MKNK1: variants seen among roughly 807,000 people sequenced by gnomAD.
MKNK1 encodes the protein MAP kinase-interacting serine/threonine-protein kinase 1.
MKNK1 carries 30 observed loss-of-function variants against 49.3 expected under a neutral mutation model. That is an observed-to-expected ratio of 0.61 (90% CI 0.46 to 0.83). MKNK1 has a LOEUF of 0.83. Among genes scored for constraint, MKNK1 ranks in the 40% least tolerant of loss-of-function variants. The pLI is 0.00. For missense variants in MKNK1, 423 were observed against 524.7 expected, an observed-to-expected ratio of 0.81 and a Z score of 1.89; for synonymous variants, 176 against 201.7, an observed-to-expected ratio of 0.87 and a Z score of 1.08.
intron 8 of MKNK1, among the ~76,000 whole-genome samples, chr1:46,566,456 T>C (rs1669083873): frequency 6.6e-6 from 1 of 152,260 alleles, no homozygotes; most frequent in Non-Finnish European, 1.5e-5. Flanking sequence ...AATGCTGTAA[T>C]GAATACTGCT....
intron 4 of MKNK1, among the ~76,000 whole-genome samples, chr1:46,577,552 A>G (rs925884104): frequency 2.0e-5 from 3 of 152,214 alleles, no homozygotes; most frequent in African/African-American, 7.2e-5. Flanking sequence ...CTTTATGACA[A>G]CATCAAAAGA....
At chr1:46,585,634 A>C (rs1672450960) in intron 2 of MKNK1, 1 of 352,608 alleles carries the variant, frequency 2.8e-6, no homozygotes, top group Non-Finnish European at 5.6e-6. Flanking sequence ...CCCCAGGACA[A>C]GCAAAACAGC....
At chr1:46,564,989 T>G (rs1668804348) in intron 9 of MKNK1, 52 bp downstream of exon 9, 3 of 1,543,688 alleles carry the variant, frequency 1.9e-6, no homozygotes, top group Non-Finnish European at 2.7e-6. Context: ...CTCCCAGCTC[T>G]GGATCAGGGA....
At chr1:46,595,963 G>C (rs1485272831) in intron 1 of MKNK1, among the ~76,000 whole-genome samples, 1 of 152,174 alleles carries the variant, frequency 6.6e-6, no homozygotes, top group Non-Finnish European at 1.5e-5. Context: ...GCCCAGGCTG[G>C]TATTGAGCTC....
intron 8 of MKNK1, chr1:46,565,421 C>G: frequency 7.0e-6 from 3 of 431,476 alleles, no homozygotes; most frequent in Non-Finnish European, 1.3e-5. Context: ...CTCTTGCTGG[C>G]AAATGATGGT....
chr1:46,579,927 T>C (rs1007679926), intron 4 of MKNK1, among the ~76,000 whole-genome samples: 9 of 152,128 alleles, frequency 5.9e-5, no homozygotes, highest in African/African-American at 2.2e-4. Context: ...TGTTACCAAA[T>C]CAGTCACCTT....
chr1:46,561,655 G>T lies in MKNK1; in HGVS notation c.805-13C>A, dbSNP rs1375676186. 3 of 1,613,148 alleles carry T rather than the reference G, an allele frequency of 1.9e-6. No homozygotes were observed. The highest frequency in any genetic ancestry group is 2.5e-6 in the Non-Finnish European group (3 of 1,179,490). ...CAAACAGCTTGTTCTAGGTACAAAA[G>T]ATTCCTCCTGAGGCCACACTGCCAG... On this transcript the variant is annotated splice_polypyrimidine_tract_variant and intron_variant, in intron 10 of 12. Coordinates refer to ENST00000371945, the MANE Select transcript of MKNK1 (RefSeq NM_001135553.4).
chr1:46,581,814 TA>T (rs536253847), intron 3 of MKNK1, among the ~76,000 whole-genome samples: 99 of 152,104 alleles, frequency 6.5e-4, no homozygotes, highest in African/African-American at 2.3e-3. Flanking sequence ...TCTAACAGAG[TA>T]ATAGACCTGG....
At chr1:46,568,405 A>G (rs760376287) in intron 8 of MKNK1, 38 bp downstream of exon 8, 21 of 1,602,036 alleles carry the variant, frequency 1.3e-5, no homozygotes, top group Admixed American at 6.7e-5. Flanking sequence ...TTCCTCGGTA[A>G]GTATAAACTA....
rs1366085733 is a variant in MKNK1, at chr1:46,558,542, G to A, written c.*33C>T. 6.4e-7 allele frequency: 1 copy of A among 1,557,968 alleles called. No individual in the cohort carries two copies. Among genetic ancestry groups the A allele is most frequent in the Non-Finnish European group, 8.7e-7 (1 of 1,152,084 alleles). The stretch of plus-strand genomic sequence containing the variant: ...GTTTCCAGGGGACAATGCCTGGCCA[G>A]GCCTAGGGCCTATAAGGTGTGACTG... On this transcript the variant is annotated 3_prime_UTR_variant, in exon 13 of 13. Transcript: ENST00000371945.
At chr1:46,560,378 C>T (rs1177518652) in intron 11 of MKNK1, 101 bp from the exon 12 acceptor site, 18 of 1,272,776 alleles carry the variant, frequency 1.4e-5, no homozygotes, top group Middle Eastern at 1.9e-4. Flanking sequence ...AGGCTGCTGG[C>T]GCAGCACAGG....
Position 46,558,136 on chromosome 1 carries a change from G to A in MKNK1, c.*439C>T, listed in dbSNP as rs1667299973. 1 of 162,094 alleles carries A rather than the reference G, an allele frequency of 6.2e-6. No individual in the cohort carries two copies. The highest frequency in any genetic ancestry group is 1.4e-5 in the Non-Finnish European group (1 of 74,012). 10.0% of individuals were successfully genotyped at this position (162,094 alleles called of 1,614,324 possible). A position where few individuals can be genotyped will look rare whatever the true frequency, so the allele number is the denominator to read the frequency against. ...ATCCGGAGGACAGAGGAAGGTGGAAGGACCGCCAGAGGAGGGTGACAGAGA... is the reference window on the plus strand; with the variant it reads ...ATCCGGAGGACAGAGGAAGGTGGAAAGACCGCCAGAGGAGGGTGACAGAGA... On this transcript the variant is annotated 3_prime_UTR_variant, in exon 13 of 13. Coordinates refer to ENST00000371945, the MANE Select transcript of MKNK1 (RefSeq NM_001135553.4).
chr1:46,564,477 T>TTTG (rs1668684018), intron 9 of MKNK1, among the ~76,000 whole-genome samples: 1 of 128,566 alleles, frequency 7.8e-6, no homozygotes, highest in Admixed American at 8.2e-5. Flanking sequence ...TTTTTTTTTT[T>TTTG]TTTTTTTTTT....
chr1:46,593,884 A>G (rs1673698880), intron 2 of MKNK1: 1 of 350,026 alleles, frequency 2.9e-6, no homozygotes, highest in African/African-American at 2.1e-5. Flanking sequence ...AAGTAAATAA[A>G]TATGTTTTAG....
chr1:46,560,917 C>T lies in MKNK1; in HGVS notation c.969+561G>A, dbSNP rs7522397. ...GGAGACCAGAAAGTCATGGGAGCATCTGGCAGACCCCTTGGAGGGCAGAGG... is the reference window on the plus strand; with the variant it reads ...GGAGACCAGAAAGTCATGGGAGCATTTGGCAGACCCCTTGGAGGGCAGAGG... On this transcript the variant is annotated intron_variant, in intron 11 of 12. Coordinates refer to ENST00000371945, the MANE Select transcript of MKNK1 (RefSeq NM_001135553.4). Among the ~76,000 whole-genome samples the T allele has an allele frequency of 5.9e-3, 893 of 152,324 alleles. 13 individuals carry two copies. Among genetic ancestry groups the T allele is most frequent in the African/African-American group, 0.02 (843 of 41,570 alleles).
chr1:46,573,546 G>A (rs1460424652), intron 6 of MKNK1, among the ~76,000 whole-genome samples: 1 of 152,072 alleles, frequency 6.6e-6, no homozygotes, highest in African/African-American at 2.4e-5. Flanking sequence ...AGGGGGGATG[G>A]GGAGGGCATG....
chr1:46,580,771 T>C, intron 3 of MKNK1, 144 bp from the exon 4 acceptor site: 1 of 607,700 alleles, frequency 1.6e-6, no homozygotes, highest in South Asian at 2.0e-5. Context: ...GGAAGACAAG[T>C]AGCTTTCCCA....
rs576649967 is a variant in MKNK1 at position 46,589,498 on chromosome 1, G to A, written c.-3+4615C>T. On this transcript the variant is annotated intron_variant, in intron 2 of 12. Transcript: ENST00000371945. This position sits in a 1 kb window ranked among gnomAD's most constrained non-coding sequence, Gnocchi z 4.3. ...CTCATCGTCATCGATGATAATAAAT[G>A]TCTCCATTCCTAGGCATACGTTTAT... Among the ~76,000 whole-genome samples the A allele has an allele frequency of 5.9e-5, 9 of 152,320 alleles. No individual in the cohort carries two copies. In the South Asian group the frequency reaches 1.9e-3, roughly 32 times the overall value.
intron 2 of MKNK1, chr1:46,584,594 G>A (rs1207031113): frequency 1.3e-5 from 2 of 151,664 alleles, no homozygotes; most frequent in African/African-American, 4.8e-5. Flanking sequence ...AGGATCTGGC[G>A]GCATACGACC....
Sources: allele counts gnomAD v4.1 joint callset (sites outside exome capture counted in the v4.1 genomes callset), GRCh38; gene constraint gnomAD v4.1.1; non-coding constraint Gnocchi (gnomAD v3.1); transcripts MANE v1.5; gene names NCBI Gene and HGNC (gene_info 2026-07-23, HGNC 2026-07-21).